The following FGD4 variants were observed in gnomAD, a reference collection of about 807,000 sequenced individuals.
The protein encoded by FGD4 is FYVE, RhoGEF and PH domain containing 4, also known as FYVE, RhoGEF and PH domain-containing protein 4.
FGD4 carries 42 observed loss-of-function variants against 102.0 expected under a neutral mutation model. The ratio of observed to expected loss-of-function variants is 0.41; its 90% CI spans 0.32 to 0.53. The LOEUF is 0.53. Among genes scored for constraint, FGD4 ranks in the 20% least tolerant of loss-of-function variants. The pLI, the probability that FGD4 is intolerant of heterozygous loss-of-function variation, is 0.21. For missense variants in FGD4, 902 were observed against 1,078.2 expected (o/e 0.84, Z 2.29); for synonymous variants, 380 against 375.7 (o/e 1.01, Z -0.13).
chr12:32,480,149 TGTGGGGG>T (rs1396338504), intron 1 of FGD4, among the ~76,000 whole-genome samples: 1 of 149,482 alleles, frequency 6.7e-6, no homozygotes, highest in Non-Finnish European at 1.5e-5. Flanking sequence ...TATGTTTGTT[TGTGGGGG>T]TTTTTTTTGT....
intron 1 of FGD4, among the ~76,000 whole-genome samples, chr12:32,510,021 G>A (rs1939195107): frequency 6.6e-6 from 1 of 152,294 alleles, no homozygotes; most frequent in East Asian, 1.9e-4. Context: ...AGTCAGCTGT[G>A]GCCATGGAAC....
At chr12:32,542,202 A>G (rs1359106348) in intron 1 of FGD4, among the ~76,000 whole-genome samples, 1 of 152,222 alleles carries the variant, frequency 6.6e-6, no homozygotes, top group Non-Finnish European at 1.5e-5. Context: ...GTTGCAACAC[A>G]GTAGGCTGAG....
intron 10 of FGD4, among the ~76,000 whole-genome samples, chr12:32,612,416 G>A (rs1949197743): frequency 6.6e-6 from 1 of 152,186 alleles, no homozygotes; most frequent in Admixed American, 6.5e-5. Context: ...CGAATGGGCA[G>A]AATGAGCCCA....
intron 14 of FGD4, 125 bp downstream of exon 14, chr12:32,625,904 T>G: frequency 1.5e-6 from 2 of 1,298,450 alleles, no homozygotes; most frequent in Non-Finnish European, 2.2e-6. Context: ...TTGGTGCCAA[T>G]TACGTGCAGA....
chr12:32,472,726 G>C (rs1943451086), intron 1 of FGD4, among the ~76,000 whole-genome samples: 1 of 152,238 alleles, frequency 6.6e-6, no homozygotes, highest in African/African-American at 2.4e-5. Flanking sequence ...CCCGGTGCGG[G>C]ATCCACTAGG....
chr12:32,490,498 G>A (rs1344079697), intron 1 of FGD4, among the ~76,000 whole-genome samples: 2 of 149,038 alleles, frequency 1.3e-5, no homozygotes, highest in African/African-American at 4.9e-5. Context: ...CCAGGTTCAA[G>A]CGATTATATC....
chr12:32,457,540 C>T (rs1942979784), intron 1 of FGD4, among the ~76,000 whole-genome samples: 1 of 152,098 alleles, frequency 6.6e-6, no homozygotes, highest in South Asian at 2.1e-4. Flanking sequence ...GGGTCTTTTG[C>T]AAGAAAAGAC....
chr12:32,524,539 G>T (rs1191495560), intron 1 of FGD4, among the ~76,000 whole-genome samples: 1 of 120,910 alleles, frequency 8.3e-6, no homozygotes, highest in Non-Finnish European at 1.7e-5. Context: ...AAAAAAAACA[G>T]AAAAAAATAT....
intron 4 of FGD4, among the ~76,000 whole-genome samples, chr12:32,596,707 G>T (rs12299134): frequency 0.095 from 14,394 of 151,792 alleles, 2,294 homozygotes; most frequent in African/African-American, 0.33. Context: ...GGGCTGAGGC[G>T]GGCGGATCAC....
chr12:32,637,601 A>G (rs1157939669), intron 15 of FGD4: 1 of 151,872 alleles, frequency 6.6e-6, no homozygotes, highest in Non-Finnish European at 1.5e-5. Context: ...ATCTCTATGA[A>G]TAAATAAATA....
rs770560590 is a variant in FGD4, at chr12:32,422,288, C to CTTTTTTTTTTTTTTTT, written c.166+22342_166+22357dup. On this transcript the variant is annotated intron_variant, in intron 1 of 16. Transcript: ENST00000534526. ...TTGAAGCATCTCAAATTGGGAGCTG[C>CTTTTTTTTTTTTTTTT]TTTTTTTTTTTTTTTTTTTTTTTTT... Among the ~76,000 whole-genome samples the CTTTTTTTTTTTTTTTT allele has an allele frequency of 2.6e-3, 142 of 54,176 alleles. 30 individuals are homozygous for CTTTTTTTTTTTTTTTT. The highest frequency in any genetic ancestry group is 0.017 in the Middle Eastern group (1 of 58). 35.5% of individuals were successfully genotyped at this position (54,176 alleles called of 152,430 possible).
At chr12:32,536,931 T>G (rs1036255629) in intron 1 of FGD4, among the ~76,000 whole-genome samples, 7 of 147,746 alleles carry the variant, frequency 4.7e-5, no homozygotes, top group Admixed American at 4.7e-4. Context: ...TCTCTTTTCT[T>G]TTTTTTTTTT....
intron 7 of FGD4, among the ~76,000 whole-genome samples, chr12:32,603,531 G>A (rs1267440058): frequency 2.0e-5 from 3 of 151,118 alleles, no homozygotes; most frequent in Non-Finnish European, 3.0e-5. Flanking sequence ...GACTACAGGC[G>A]CCTGCCACCA....
intron 1 of FGD4, among the ~76,000 whole-genome samples, chr12:32,439,860 T>G (rs1252381189): frequency 6.6e-6 from 1 of 152,200 alleles, no homozygotes; most frequent in Non-Finnish European, 1.5e-5. Flanking sequence ...TTCATTTTTT[T>G]TTTCTTTAGT....
intron 1 of FGD4, among the ~76,000 whole-genome samples, chr12:32,550,544 A>C (rs551576632): frequency 6.6e-6 from 1 of 151,470 alleles, no homozygotes; most frequent in Non-Finnish European, 1.5e-5. Context: ...GTGATGGTGC[A>C]CCTGCCGTCC....
At chr12:32,501,143 C>G (rs191090306) in intron 1 of FGD4, among the ~76,000 whole-genome samples, 3 of 152,228 alleles carry the variant, frequency 2.0e-5, no homozygotes, top group Non-Finnish European at 4.4e-5. Flanking sequence ...CCTTGGCCTC[C>G]TGGGCCCAAG....
intron 1 of FGD4, among the ~76,000 whole-genome samples, chr12:32,434,724 A>G (rs959746036): frequency 5.9e-5 from 9 of 152,170 alleles, no homozygotes; most frequent in Non-Finnish European, 1.2e-4. Flanking sequence ...AGATATTGAC[A>G]TTTAGAACAT....
chr12:32,479,786 C>CTTTTTTT (rs559968024), intron 1 of FGD4, among the ~76,000 whole-genome samples: 16 of 106,580 alleles, frequency 1.5e-4, no homozygotes, highest in Non-Finnish European at 2.1e-4. Flanking sequence ...AAGCATTATT[C>CTTTTTTT]TTTTTTTTTT....
intron 5 of FGD4, among the ~76,000 whole-genome samples, chr12:32,599,500 A>G (rs1948195809): frequency 1.6e-5 from 2 of 124,202 alleles, no homozygotes; most frequent in South Asian, 5.3e-4. Flanking sequence ...GTCTCAAAAA[A>G]AAAAAAAAGA....
Sources: allele counts gnomAD v4.1 joint callset (sites outside exome capture counted in the v4.1 genomes callset), GRCh38; gene constraint gnomAD v4.1.1; transcripts MANE v1.5; gene names NCBI Gene and HGNC (gene_info 2026-07-23, HGNC 2026-07-21).